The following ZNF266 variants were observed in gnomAD, a reference collection of about 807,000 sequenced individuals.
ZNF266 encodes zinc finger protein 266.
In ZNF266, 16 loss-of-function variants were observed where a neutral mutation model predicts 16.4. That is an observed-to-expected ratio of 0.98 (90% CI 0.66 to 1.48). ZNF266 has a LOEUF of 1.48. ZNF266 is among the 40% of genes most tolerant of loss of function. The pLI is 0.00. For missense variants in ZNF266, 738 were observed against 689.1 expected (o/e 1.07, Z -0.79); for synonymous variants, 262 against 237.9 (o/e 1.10, Z -0.93).
At position 9,413,791 on chromosome 19, in the gene ZNF266, C is replaced by T; in HGVS notation, c.1335G>A (p.Arg445=). Residue 445 remains arginine (R), a synonymous_variant, in exon 11 of 11, where the codon AGG becomes AGA. Coordinates refer to ENST00000592904, the MANE Select transcript of ZNF266 (RefSeq NM_001370374.1). ...TTCCACATTCCTTACATTCATAGGGCCTCTCTCCACTGTGAGTTCGTGCAT... is the reference window on the plus strand; with the variant it reads ...TTCCACATTCCTTACATTCATAGGGTCTCTCTCCACTGTGAGTTCGTGCAT... ...TKHARTHSGE[R]PYECKECGKA... is the part of the protein sequence containing the mutation. 1 of 1,613,766 alleles carries T rather than the reference C, an allele frequency of 6.2e-7. No individual in the cohort carries two copies. The highest frequency in any genetic ancestry group is 8.5e-7 in the Non-Finnish European group (1 of 1,179,922).
rs2068714360 is a variant in ZNF266 at position 9,414,663 on chromosome 19, TGGA to T, written c.460_462del (p.Ser155del). 6.3e-7 allele frequency: 1 copy of T among 1,598,622 alleles called. No individual in the cohort carries two copies. Among genetic ancestry groups the T allele is most frequent in the Admixed American group, 1.7e-5 (1 of 59,672 alleles). ...TGTGTCTTAAGGCATGAGTGTTCAC[TGGA>T]GACATCTCCACATTGCTTAACATCA... is the stretch of plus-strand genomic sequence containing the variant. On this transcript the variant is annotated inframe_deletion, in exon 11 of 11. Coordinates refer to ENST00000592904, the MANE Select transcript of ZNF266 (RefSeq NM_001370374.1).
In ZNF266 at chr19:9,413,531, GTGAA is replaced by G. The variant is rs754552245; in HGVS notation, c.1591_1594del (p.Phe531ArgfsTer92). 9 of 1,613,150 alleles carry G rather than the reference GTGAA, an allele frequency of 5.6e-6. No homozygotes were observed. In the East Asian group the frequency reaches 8.9e-5, roughly 16 times the overall value. On this transcript the variant is annotated frameshift_variant, in exon 11 of 11. Transcript: ENST00000592904. LOFTEE classifies it low-confidence loss of function (END_TRUNC). ...AAAAGCTTTGCCACATTCCATACAC[GTGAA>G]TGGTTTTTTGGCGCTGTGGGTCCGC...
At chr19:9,424,176 G>C (rs1316669034) in intron 5 of ZNF266, among the ~76,000 whole-genome samples, 1 of 148,844 alleles carries the variant, frequency 6.7e-6, no homozygotes, top group Non-Finnish European at 1.5e-5. Flanking sequence ...ACAGGAGACT[G>C]CCACTTGGCC....
chr19:9,434,488 C>T (rs1370589586), intron 3 of ZNF266, among the ~76,000 whole-genome samples: 2 of 152,190 alleles, frequency 1.3e-5, no homozygotes, highest in African/African-American at 2.4e-5. Flanking sequence ...TCAGAACTAC[C>T]AAAATGTATA....
chr19:9,433,196 C>T (rs1329269895), intron 5 of ZNF266, among the ~76,000 whole-genome samples: 3 of 152,184 alleles, frequency 2.0e-5, no homozygotes, highest in East Asian at 3.9e-4. Flanking sequence ...ATTTTTTTTC[C>T]GTCATCGATG....
chr19:9,413,450 T>C lies in ZNF266; in HGVS notation c.1676A>G (p.Tyr559Cys), dbSNP rs780681334. 23 of 1,613,952 alleles carry C rather than the reference T, an allele frequency of 1.4e-5. No individual in the cohort carries two copies. The highest frequency in any genetic ancestry group is 1.4e-5 in the Non-Finnish European group (17 of 1,180,018). The change falls in exon 11 of 11, where the codon TAC (tyrosine) becomes TGC (cysteine). Residue 559 changes from tyrosine to cysteine, a missense_variant. Physicochemically the swap from Tyr to Cys is radical, Grantham distance 194. Coordinates refer to ENST00000592904, the MANE Select transcript of ZNF266 (RefSeq NM_001370374.1). The part of the protein sequence containing the change: ...HMRIHTGEKP[Y>C]KCKQCGKSFS... ...GGATTTCCCACACTGTTTACATTTG[T>C]AGGGTTTTTCTCCAGTGTGGATCCG... is the stretch of plus-strand genomic sequence containing the variant.
At chr19:9,425,812 G>A (rs2070660024) in intron 5 of ZNF266, among the ~76,000 whole-genome samples, 1 of 152,176 alleles carries the variant, frequency 6.6e-6, no homozygotes, top group African/African-American at 2.4e-5. Context: ...ATCCAAGACT[G>A]CTGTCACTTC....
At chr19:9,415,161 G>A (rs1468925226) in intron 10 of ZNF266, among the ~76,000 whole-genome samples, 1 of 152,176 alleles carries the variant, frequency 6.6e-6, no homozygotes, top group Non-Finnish European at 1.5e-5. Flanking sequence ...CGGGCATGGT[G>A]GCACGTGCCT....
intron 7 of ZNF266, 63 bp from the exon 8 acceptor site, chr19:9,418,694 A>C: frequency 1.2e-6 from 1 of 817,016 alleles, no homozygotes; most frequent in Non-Finnish European, 2.1e-6. Context: ...TCACTGCAAA[A>C]TGCAATACCT....
chr19:9,414,022 A>G lies in ZNF266; in HGVS notation c.1104T>C (p.Cys368=). The G allele has an allele frequency of 6.2e-7, 1 of 1,614,160 alleles. No homozygotes were observed. Among genetic ancestry groups the G allele is most frequent in the Non-Finnish European group, 8.5e-7 (1 of 1,180,022 alleles). The change falls in exon 11 of 11, where the codon TGT becomes TGC. Residue 368 remains cysteine (C), a synonymous_variant. Coordinates refer to ENST00000592904, the MANE Select transcript of ZNF266 (RefSeq NM_001370374.1). ...GAGAAGATCTAGTGAAGGCTATCCC[A>G]CATTCCTTGCATTCATAAGGCTTCT... is the stretch of plus-strand genomic sequence containing the variant. The part of the protein sequence containing the change: ...VGEKPYECKE[C]GIAFTRSSQL...
rs1458668968 is a variant in ZNF266, at chr19:9,434,062, G to C, written c.-249+13C>G. 6.6e-6 allele frequency: 1 copy of C among 152,148 alleles called. No individual in the cohort carries two copies. Among genetic ancestry groups the C allele is most frequent in the Non-Finnish European group, 1.5e-5 (1 of 68,038 alleles). The allele number at this position is 152,148 out of a possible 1,614,324, so 9.4% of individuals were successfully genotyped here. A position where few individuals can be genotyped will look rare whatever the true frequency, so the allele number is the denominator to read the frequency against. On this transcript the variant is annotated intron_variant, in intron 4 of 10. Transcript: ENST00000592904. ...TTTCCCCAACCAAAGAAAGAATACT[G>C]ACTCTGTCAAACCTGGGAGTAATCT...
At position 9,414,043 on chromosome 19, in the gene ZNF266, C is replaced by A. The variant is rs773037838; in HGVS notation, c.1083G>T (p.Lys361Asn). The A allele has an allele frequency of 1.2e-6, 2 of 1,614,028 alleles. No homozygotes were observed. Among genetic ancestry groups the A allele is most frequent in the Non-Finnish European group, 8.5e-7 (1 of 1,180,004 alleles). ...TCCCACATTCCTTGCATTCATAAGGCTTCTCACCCACATGGATTTTCATAT... is the reference window on the plus strand; with the variant it reads ...TCCCACATTCCTTGCATTCATAAGGATTCTCACCCACATGGATTTTCATAT... ...SQHMKIHVGEKPYECKECGIA... is the reference protein window; with the variant it reads ...SQHMKIHVGENPYECKECGIA... Residue 361 changes from lysine (K) to asparagine (N), a missense_variant, in exon 11 of 11, where the codon AAG becomes AAT. Coordinates refer to ENST00000592904, the MANE Select transcript of ZNF266 (RefSeq NM_001370374.1).
At chr19:9,430,428 C>T (rs770347516) in intron 5 of ZNF266, among the ~76,000 whole-genome samples, 1 of 152,134 alleles carries the variant, frequency 6.6e-6, no homozygotes, top group Admixed American at 6.5e-5. Flanking sequence ...CGCAACACTA[C>T]TACCCTTCTC....
intron 5 of ZNF266, among the ~76,000 whole-genome samples, chr19:9,428,846 A>G (rs8107606): frequency 0.56 from 85,572 of 151,934 alleles, 24,330 homozygotes; most frequent in Middle Eastern, 0.63. Flanking sequence ...TATTCCCTTC[A>G]GAGTTACAGA....
chr19:9,433,357 T>C (rs2071931520), intron 5 of ZNF266, among the ~76,000 whole-genome samples: 1 of 152,140 alleles, frequency 6.6e-6, no homozygotes, highest in Admixed American at 6.5e-5. Flanking sequence ...TGTATGAGTG[T>C]CTATAAGGAG....
chr19:9,424,939 G>C (rs1230020526), intron 5 of ZNF266, among the ~76,000 whole-genome samples: 2 of 152,084 alleles, frequency 1.3e-5, no homozygotes, highest in Non-Finnish European at 2.9e-5. Flanking sequence ...AGTGCATATG[G>C]ATGGTAAAGA....
In ZNF266 at chr19:9,422,204, T is replaced by C. The variant is rs1215450843; in HGVS notation, c.-129-1986A>G. Among the ~76,000 whole-genome samples, 4 of 152,186 alleles carry C rather than the reference T, an allele frequency of 2.6e-5. No homozygotes were observed. The East Asian group carries it at 7.7e-4, about 29-fold the overall frequency. On this transcript the variant is annotated intron_variant, in intron 5 of 10. Coordinates refer to ENST00000592904, the MANE Select transcript of ZNF266 (RefSeq NM_001370374.1). ...ACTCTGCGAGTCTCTAGGAATGTTCTTGGATGATGCTGGGTGACACTGCAA... is the reference window on the plus strand; with the variant it reads ...ACTCTGCGAGTCTCTAGGAATGTTCCTGGATGATGCTGGGTGACACTGCAA...
Position 9,415,634 on chromosome 19 carries a change from CG to C in ZNF266, c.405+19del. ...TCATCTCTAAATGTGAAAACTAAGACGTATCCTTGTTAATCTTACCATTTGA... is the reference window on the plus strand; with the variant it reads ...TCATCTCTAAATGTGAAAACTAAGACTATCCTTGTTAATCTTACCATTTGA... On this transcript the variant is annotated intron_variant, in intron 10 of 10. Transcript: ENST00000592904. 6.3e-6 allele frequency: 10 copies of C among 1,578,810 alleles called. No individual in the cohort carries two copies. The highest frequency in any genetic ancestry group is 8.7e-6 in the Non-Finnish European group (10 of 1,149,840).
At position 9,415,685 on chromosome 19, in the gene ZNF266, A is replaced by G. The variant is rs905375719; in HGVS notation, c.374T>C (p.Leu125Ser). The G allele has an allele frequency of 1.2e-6, 2 of 1,613,010 alleles. No individual in the cohort carries two copies. Among genetic ancestry groups the G allele is most frequent in the Non-Finnish European group, 1.7e-6 (2 of 1,179,292 alleles). ...TKELALQQDV[L>S]GEPTSSGIQM... ...AATCCCACTGGAGGTTGGCTCCCCCAAAACATCCTGCTGAAGGGCTAACTC... is the reference window on the plus strand; with the variant it reads ...AATCCCACTGGAGGTTGGCTCCCCCGAAACATCCTGCTGAAGGGCTAACTC... Residue 125 changes from leucine to serine, a missense_variant, in exon 10 of 11, where the codon TTG becomes TCG. Coordinates refer to ENST00000592904, the MANE Select transcript of ZNF266 (RefSeq NM_001370374.1).
Sources: allele counts gnomAD v4.1 joint callset (sites outside exome capture counted in the v4.1 genomes callset), GRCh38; gene constraint gnomAD v4.1.1; transcripts MANE v1.5; gene names NCBI Gene and HGNC (gene_info 2026-07-23, HGNC 2026-07-21).